CRTC1: variants seen among roughly 807,000 people sequenced by gnomAD.
The protein encoded by CRTC1 is CREB regulated transcription coactivator 1.
Under a neutral mutation model 66.1 loss-of-function variants are expected in CRTC1, and 18 were observed. The observed-to-expected ratio is 0.27, with a 90% CI of 0.19 to 0.40. The LOEUF (loss-of-function observed/expected upper bound fraction) is 0.40, where lower values mean the gene tolerates loss of function less well. Among genes scored for constraint, CRTC1 ranks in the 10% least tolerant of loss-of-function variants. CRTC1 has a pLI of 1.00. For synonymous variants in CRTC1, 416 were observed against 398.8 expected, an observed-to-expected ratio of 1.04 and a Z score of -0.51; for missense variants, 669 against 887.9, an observed-to-expected ratio of 0.75 and a Z score of 3.13.
At chr19:18,720,361 C>CAAAA (rs1035500637) in intron 1 of CRTC1, among the ~76,000 whole-genome samples, 10 of 150,274 alleles carry the variant, frequency 6.7e-5, no homozygotes, top group African/African-American at 2.5e-4. Context: ...CTTTCTTTTT[C>CAAAA]TTTTTTTTGA....
chr19:18,766,290 T>A (rs1049597739), intron 9 of CRTC1, among the ~76,000 whole-genome samples: 17 of 139,078 alleles, frequency 1.2e-4, no homozygotes, highest in South Asian at 6.5e-4. Context: ...CTGGCTAATT[T>A]TTTTTTTTTT....
chr19:18,757,184 C>G (rs1175432712), intron 6 of CRTC1, among the ~76,000 whole-genome samples: 1 of 152,158 alleles, frequency 6.6e-6, no homozygotes, highest in East Asian at 1.9e-4. Flanking sequence ...ACGTGTCACA[C>G]TGGGAGGCCT....
intron 1 of CRTC1, among the ~76,000 whole-genome samples, chr19:18,695,438 G>T (rs1038394029): frequency 2.0e-5 from 3 of 152,218 alleles, no homozygotes; most frequent in Non-Finnish European, 4.4e-5. Context: ...TCCGTGCAGA[G>T]TAGGGGGCTC....
At chr19:18,761,190 CG>C (rs2054606646) in intron 8 of CRTC1, among the ~76,000 whole-genome samples, 2 of 152,256 alleles carry the variant, frequency 1.3e-5, no homozygotes, top group South Asian at 4.1e-4. Flanking sequence ...AAGGCCGTCC[CG>C]GCCCTGGCCT....
chr19:18,767,677 G>A (rs1328702337), intron 9 of CRTC1, among the ~76,000 whole-genome samples: 1 of 152,206 alleles, frequency 6.6e-6, no homozygotes, highest in African/African-American at 2.4e-5. Context: ...CAGAGCTGTG[G>A]GCGCTGGCTC....
chr19:18,692,407 C>A (rs139179283), intron 1 of CRTC1, among the ~76,000 whole-genome samples: 1 of 152,064 alleles, frequency 6.6e-6, no homozygotes, highest in Non-Finnish European at 1.5e-5. Context: ...ATTCCCTCAC[C>A]GTCATCAATA....
intron 13 of CRTC1, 126 bp downstream of exon 13, chr19:18,775,947 G>A: frequency 3.9e-6 from 4 of 1,027,790 alleles, no homozygotes; most frequent in Non-Finnish European, 5.5e-6. Flanking sequence ...AAGCTTGATG[G>A]GGGCCTGAGG....
chr19:18,697,571 A>G (rs1004343465), intron 1 of CRTC1, among the ~76,000 whole-genome samples: 1 of 152,140 alleles, frequency 6.6e-6, no homozygotes, highest in South Asian at 2.1e-4. Context: ...TGGCCTCCCA[A>G]AATGCTGGGA....
At chr19:18,698,763 G>A (rs1445101986) in intron 1 of CRTC1, among the ~76,000 whole-genome samples, 1 of 151,532 alleles carries the variant, frequency 6.6e-6, no homozygotes, top group East Asian at 1.9e-4. Flanking sequence ...TTCCACAGGT[G>A]CACAATGTGT....
At chr19:18,743,591 C>A (rs1012261501) in intron 2 of CRTC1, among the ~76,000 whole-genome samples, 2 of 152,134 alleles carry the variant, frequency 1.3e-5, no homozygotes. Flanking sequence ...AGGGCCACCC[C>A]CAGGACGGTG....
chr19:18,765,356 A>G (rs759957088), intron 8 of CRTC1, 48 bp from the exon 9 acceptor site: 4 of 1,570,890 alleles, frequency 2.5e-6, no homozygotes, highest in South Asian at 1.2e-5. Context: ...GCCCTTTCTC[A>G]GTGATCAGTC....
intron 2 of CRTC1, chr19:18,744,264 G>A (rs1440617173): frequency 6.7e-6 from 7 of 1,049,118 alleles, no homozygotes; most frequent in Non-Finnish European, 6.8e-6. Context: ...GGCCGCCCCT[G>A]CGGCTCCCAG....
Position 18,749,776 on chromosome 19 carries a change from A to C in CRTC1, c.444-5A>C, listed in dbSNP as rs2054323199. ...GCTCATTGTCTCTTCCTCCCTCCCC[A>C]CCAGGACCAATTCTGACTCCGCCCT... On this transcript the variant is annotated splice_region_variant and splice_polypyrimidine_tract_variant and intron_variant, in intron 4 of 13. Transcript: ENST00000321949. 2.5e-6 allele frequency: 4 copies of C among 1,613,426 alleles called. No individual in the cohort carries two copies. The East Asian group carries it at 8.9e-5, about 36-fold the overall frequency.
In CRTC1 at chr19:18,711,388, C is replaced by T. The variant is rs1007609878; in HGVS notation, c.126+27560C>T. ...CCTGCGCCTCTGTGCCTGGGCCGGG[C>T]GGGAGCTGGGGATGCATCCATCGCC... On this transcript the variant is annotated intron_variant, in intron 1 of 13. Coordinates refer to ENST00000321949, the MANE Select transcript of CRTC1 (RefSeq NM_015321.3). Among the ~76,000 whole-genome samples, 11 of 152,056 alleles carry T rather than the reference C, an allele frequency of 7.2e-5. 1 individual carries two copies. The highest frequency in any genetic ancestry group is 6.3e-3 in the Middle Eastern group (2 of 316).
intron 1 of CRTC1, among the ~76,000 whole-genome samples, chr19:18,714,692 A>G (rs1459540374): frequency 2.0e-5 from 3 of 152,212 alleles, no homozygotes; most frequent in Admixed American, 6.5e-5. Flanking sequence ...TGTGATCCCC[A>G]GAAAGGTCTC....
intron 8 of CRTC1, among the ~76,000 whole-genome samples, chr19:18,763,110 CT>C (rs1023424458): frequency 6.7e-6 from 1 of 150,272 alleles, no homozygotes. Context: ...TTTTTTTTTT[CT>C]TTTTTTTGAG....
intron 1 of CRTC1, among the ~76,000 whole-genome samples, chr19:18,703,253 T>A (rs2053188588): frequency 6.6e-6 from 1 of 152,032 alleles, no homozygotes; most frequent in African/African-American, 2.4e-5. Flanking sequence ...CAGGATGGTC[T>A]CAATCTCCTG....
chr19:18,775,552 G>C, intron 12 of CRTC1, 89 bp from the exon 13 acceptor site: 1 of 1,203,224 alleles, frequency 8.3e-7, no homozygotes, highest in Non-Finnish European at 1.1e-6. Flanking sequence ...CCAGCTGCGG[G>C]CAGGACAGCC....
Position 18,765,458 on chromosome 19 carries a change from T to G in CRTC1, c.941T>G (p.Leu314Arg). Reference sequence around the variant, plus strand: ...CACCGCCCAGCTGGCGTCAGCCCCCTGTCCCTGAGCACAGAGGCAAGGCGT... The same window carrying G: ...CACCGCCCAGCTGGCGTCAGCCCCCGGTCCCTGAGCACAGAGGCAAGGCGT... The part of the protein sequence containing the change: ...PQHRPAGVSP[L>R]SLSTEARRQQ... The change falls in exon 9 of 14, where the codon CTG becomes CGG. Residue 314 changes from leucine (L) to arginine (R), a missense_variant. Physicochemically the swap from Leu to Arg is moderately radical, Grantham distance 102. Coordinates refer to ENST00000321949, the MANE Select transcript of CRTC1 (RefSeq NM_015321.3). The G allele has an allele frequency of 1.9e-6, 3 of 1,612,588 alleles. No individual in the cohort carries two copies. Among genetic ancestry groups the G allele is most frequent in the Non-Finnish European group, 2.5e-6 (3 of 1,179,822 alleles).
Sources: allele counts gnomAD v4.1 joint callset (sites outside exome capture counted in the v4.1 genomes callset), GRCh38; gene constraint gnomAD v4.1.1; transcripts MANE v1.5; gene names NCBI Gene and HGNC (gene_info 2026-07-23, HGNC 2026-07-21).